Variants in SPATC1L observed in about 807,000 individuals in gnomAD.
SPATC1L encodes spermatogenesis and centriole associated 1 like.
In SPATC1L, 20 loss-of-function variants were observed where a neutral mutation model predicts 21.2. The observed-to-expected ratio is 0.94, with a 90% CI of 0.66 to 1.37. SPATC1L has a LOEUF of 1.37. Among genes scored for constraint, SPATC1L ranks in the 40% most tolerant of loss-of-function variants. SPATC1L has a pLI of 0.00. For synonymous variants in SPATC1L, 290 were observed against 234.5 expected (o/e 1.24, Z -2.16); for missense variants, 499 against 478.7 (o/e 1.04, Z -0.40).
intron 4 of SPATC1L, 102 bp from the exon 5 acceptor site, chr21:46,161,807 G>A (rs2079496228): frequency 1.3e-6 from 2 of 1,501,496 alleles, no homozygotes; most frequent in African/African-American, 2.8e-5. Context: ...GGGTCCCCGG[G>A]GTCCCCTCCT....
intron 2 of SPATC1L, among the ~76,000 whole-genome samples, chr21:46,172,496 C>T (rs78441905): frequency 0.043 from 6,554 of 152,346 alleles, 187 homozygotes; most frequent in Middle Eastern, 0.11. Flanking sequence ...GACTCTTCCA[C>T]AGCATCCAGC....
At chr21:46,167,393 G>A (rs2079549142) in intron 3 of SPATC1L, among the ~76,000 whole-genome samples, 1 of 152,150 alleles carries the variant, frequency 6.6e-6, no homozygotes, top group Non-Finnish European at 1.5e-5. Context: ...AGCTAGAAAT[G>A]CAAGAGCAAA....
intron 2 of SPATC1L, among the ~76,000 whole-genome samples, chr21:46,180,629 G>A (rs1002614171): frequency 2.6e-5 from 4 of 152,224 alleles, no homozygotes; most frequent in Non-Finnish European, 5.9e-5. Context: ...CCCCAGTTCT[G>A]CTGAGGGCTG....
At chr21:46,172,393 G>C (rs1569001534) in intron 2 of SPATC1L, among the ~76,000 whole-genome samples, 1 of 152,358 alleles carries the variant, frequency 6.6e-6, no homozygotes, top group East Asian at 1.9e-4. Context: ...AAGAAGCTGA[G>C]ATACCTCCAC....
chr21:46,161,847 C>G (rs1040814492), intron 4 of SPATC1L, 69 bp downstream of exon 4: 2 of 1,562,924 alleles, frequency 1.3e-6, no homozygotes, highest in African/African-American at 2.7e-5. Context: ...GAGCCAAGAT[C>G]TGGGGGCCGC....
At chr21:46,175,071 A>G (rs1336375252) in intron 2 of SPATC1L, among the ~76,000 whole-genome samples, 1 of 152,252 alleles carries the variant, frequency 6.6e-6, no homozygotes, top group East Asian at 1.9e-4. Context: ...TTGGGTAAAC[A>G]GTGAAATTAA....
chr21:46,177,137 G>A (rs989013128), intron 2 of SPATC1L, among the ~76,000 whole-genome samples: 1 of 152,208 alleles, frequency 6.6e-6, no homozygotes, highest in African/African-American at 2.4e-5. Flanking sequence ...AGACTTAGAT[G>A]TAAAACTCAA....
chr21:46,172,310 G>T (rs1040742187), intron 2 of SPATC1L, among the ~76,000 whole-genome samples: 6 of 152,214 alleles, frequency 3.9e-5, no homozygotes, highest in Non-Finnish European at 5.9e-5. Flanking sequence ...GCGGTGGGGT[G>T]GAGAGCAAGA....
rs1045343713 is a variant in SPATC1L, at chr21:46,175,908, A to C, written c.193+6716T>G. Among the ~76,000 whole-genome samples the C allele has an allele frequency of 2.6e-5, 4 of 152,324 alleles. No individual in the cohort carries two copies. The South Asian group carries it at 8.3e-4, about 32-fold the overall frequency. ...ATGAACATTGACGCAAAAATCCTCAACAAAATTCTGGCAAACCAAATCCAG... is the reference window on the plus strand; with the variant it reads ...ATGAACATTGACGCAAAAATCCTCACCAAAATTCTGGCAAACCAAATCCAG... On this transcript the variant is annotated intron_variant, in intron 2 of 4. Coordinates refer to ENST00000291672, the MANE Select transcript of SPATC1L (RefSeq NM_001142854.2).
At position 46,161,981 on chromosome 21, in the gene SPATC1L, C is replaced by G; in HGVS notation, c.631G>C (p.Val211Leu). 4 of 1,607,462 alleles carry G rather than the reference C, an allele frequency of 2.5e-6. No homozygotes were observed. In the South Asian group the frequency reaches 4.4e-5, roughly 18 times the overall value. Residue 211 changes from valine (V) to leucine (L), a missense_variant, in exon 4 of 5, where the codon GTG (valine) becomes CTG (leucine). Val to Leu is a conservative substitution (Grantham distance 32, BLOSUM62 1). Coordinates refer to ENST00000291672, the MANE Select transcript of SPATC1L (RefSeq NM_001142854.2). ...FQLDRRILAY[V>L]FPGVTRLYGF... ...TAGAGCCGCGTCACGCCCGGGAACACGTAGGCCAGGATGCGGCGGTCCAGC... is the reference window on the plus strand; with the variant it reads ...TAGAGCCGCGTCACGCCCGGGAACAGGTAGGCCAGGATGCGGCGGTCCAGC...
Position 46,161,535 on chromosome 21 carries a change from G to C in SPATC1L, c.867C>G (p.Pro289=), listed in dbSNP as rs138897694. ...TGTGCAGGGGGTTGGCGCGCAGGTC[G>C]GGCCGCTGCTTCAGGATTCCGTAGG... ...INTYGILKQR[P]DLRANPLHSS... is the part of the protein sequence containing the mutation. The change falls in exon 5 of 5, where the codon CCC becomes CCG. Residue 289 remains proline (P), a synonymous_variant. Coordinates refer to ENST00000291672, the MANE Select transcript of SPATC1L (RefSeq NM_001142854.2). The C allele has an allele frequency of 7.5e-4, 1,205 of 1,610,376 alleles. 13 individuals carry two copies. In the African/African-American group the frequency reaches 0.014, roughly 19 times the overall value.
rs1001961658 is a variant in SPATC1L, at chr21:46,182,633, C to T, written c.184G>A (p.Gly62Arg). The T allele has an allele frequency of 1.3e-5, 19 of 1,513,500 alleles. No homozygotes were observed. Among genetic ancestry groups the T allele is most frequent in the South Asian group, 6.1e-5 (5 of 81,850 alleles). 93.8% of individuals were successfully genotyped at this position (1,513,500 alleles called of 1,614,324 possible). Reference protein sequence around the residue: ...AHAYPEAGSPGSGVPDFGRFT... With the variant: ...AHAYPEAGSPRSGVPDFGRFT... The stretch of plus-strand genomic sequence containing the variant: ...CTGGGCGGCGCCTCACCTCCGCTCC[C>T]GGGGGAGCCGGCCTCAGGGTAGGCA... Residue 62 changes from glycine to arginine, a missense_variant, in exon 2 of 5, where the codon GGG (glycine) becomes AGG (arginine). Physicochemically the swap from Gly to Arg is moderately radical, Grantham distance 125. Transcript: ENST00000291672.
chr21:46,163,990 G>GTTTA, intron 3 of SPATC1L, among the ~76,000 whole-genome samples: 1 of 152,094 alleles, frequency 6.6e-6, no homozygotes, highest in East Asian at 1.9e-4. Flanking sequence ...GTGTTTTTCT[G>GTTTA]TTTATTTATT....
Position 46,161,548 on chromosome 21 carries a change from A to G in SPATC1L, c.854T>C (p.Leu285Pro). The G allele has an allele frequency of 6.2e-7, 1 of 1,610,592 alleles. No homozygotes were observed. The highest frequency in any genetic ancestry group is 8.5e-7 in the Non-Finnish European group (1 of 1,178,992). ...GGCGCGCAGGTCGGGCCGCTGCTTC[A>G]GGATTCCGTAGGTGTTGATGAGGAA... ...SEFLINTYGI[L>P]KQRPDLRANP... is the part of the protein sequence containing the mutation. Residue 285 changes from leucine (L) to proline (P), a missense_variant, in exon 5 of 5, where the codon CTG (leucine) becomes CCG (proline). By Grantham distance (98) the Leu-to-Pro change is moderately conservative. Coordinates refer to ENST00000291672, the MANE Select transcript of SPATC1L (RefSeq NM_001142854.2).
chr21:46,166,663 A>G (rs1420057717), intron 3 of SPATC1L, among the ~76,000 whole-genome samples: 1 of 152,258 alleles, frequency 6.6e-6, no homozygotes, highest in Non-Finnish European at 1.5e-5. Flanking sequence ...CAAGACAAAA[A>G]CTATAACAAG....
chr21:46,164,491 C>G (rs1389971371), intron 3 of SPATC1L, among the ~76,000 whole-genome samples: 4 of 152,092 alleles, frequency 2.6e-5, no homozygotes, highest in African/African-American at 9.7e-5. Flanking sequence ...ATGTATTTCT[C>G]TCATCAAGAA....
intron 2 of SPATC1L, among the ~76,000 whole-genome samples, chr21:46,179,585 G>A (rs977557673): frequency 6.6e-6 from 1 of 152,176 alleles, no homozygotes; most frequent in Non-Finnish European, 1.5e-5. Context: ...AACAACACAG[G>A]GACAATCTTC....
intron 3 of SPATC1L, 113 bp downstream of exon 3, chr21:46,168,195 A>C: frequency 1.6e-6 from 1 of 642,180 alleles, no homozygotes; most frequent in Non-Finnish European, 2.6e-6. Flanking sequence ...TCCTCCCTCC[A>C]CTCTGTGTGA....
chr21:46,170,057 C>A (rs570620431), intron 2 of SPATC1L, among the ~76,000 whole-genome samples: 7 of 93,654 alleles, frequency 7.5e-5, no homozygotes, highest in Admixed American at 2.0e-4. Context: ...GGAGCCTCTG[C>A]TCTGTGAGCA....
Sources: gnomAD v4.1 joint callset for allele counts (sites outside exome capture counted in the v4.1 genomes callset) on GRCh38, gnomAD v4.1.1 for gene constraint, MANE v1.5 for transcripts, NCBI Gene and HGNC (gene_info 2026-07-23, HGNC 2026-07-21) for gene names.